SYTL2: variants seen among roughly 807,000 people sequenced by gnomAD.
SYTL2 encodes the protein synaptotagmin like 2, also known as synaptotagmin-like protein 2.
Under a neutral mutation model 198.7 loss-of-function variants are expected in SYTL2, and 165 were observed. The ratio of observed to expected loss-of-function variants is 0.83; its 90% CI spans 0.73 to 0.94. The LOEUF is 0.94. Among genes scored for constraint, SYTL2 ranks in the 40% least tolerant of loss-of-function variants. SYTL2 has a pLI of 0.00. For missense variants in SYTL2, 2,835 were observed against 2,582.8 expected, an observed-to-expected ratio of 1.10 and a Z score of -2.12; for synonymous variants, 966 against 917.7, an observed-to-expected ratio of 1.05 and a Z score of -0.95.
At position 85,709,491 on chromosome 11, in the gene SYTL2, T is replaced by G; in HGVS notation, c.5755A>C (p.Ser1919Arg). The change falls in exon 14 of 20, where the codon AGT becomes CGT. Residue 1919 changes from serine to arginine, a missense_variant. Ser to Arg is a moderately radical substitution (Grantham distance 110). Around this residue, in one of 3 missense-constraint regions of SYTL2, gnomAD observed 2,645 missense variants for 2,381.7 expected, o/e 1.11. Transcript: ENST00000359152. ...TCTCCACTATAAACACTCATCACAC[T>G]GCCACTCACCTGAAAGCATCAGAAA... Reference protein sequence around the residue: ...GMTSLSSVSGSVMSVYSGDFG... With the variant: ...GMTSLSSVSGRVMSVYSGDFG... 6.2e-7 allele frequency: 1 copy of G among 1,613,778 alleles called. No homozygotes were observed. The highest frequency in any genetic ancestry group is 8.5e-7 in the Non-Finnish European group (1 of 1,179,952).
At chr11:85,833,409 TC>T in the SYTL2 span, among the ~76,000 whole-genome samples, 2 of 148,072 alleles carry the variant, frequency 1.4e-5, no homozygotes, top group Admixed American at 1.4e-4. Flanking sequence ...TACCTATATA[TC>T]ATATATATGT....
the SYTL2 span, among the ~76,000 whole-genome samples, chr11:85,834,566 C>T: frequency 2.0e-5 from 3 of 152,012 alleles, no homozygotes. Flanking sequence ...GAAAGCAATA[C>T]ACCTTCGGTA....
At chr11:85,795,316 T>A (rs375195864) in intron 1 of SYTL2, among the ~76,000 whole-genome samples, 2 of 150,522 alleles carry the variant, frequency 1.3e-5, no homozygotes, top group East Asian at 1.9e-4. Context: ...AGGCTCACCA[T>A]CAGATCTAAA....
intron 7 of SYTL2, among the ~76,000 whole-genome samples, chr11:85,730,902 G>A (rs149018758): frequency 0.021 from 3,184 of 152,232 alleles, 64 homozygotes; most frequent in Admixed American, 0.038. Context: ...AAAGTCTCAG[G>A]ATACAAAATC....
In SYTL2 at chr11:85,700,530, G is replaced by A; in HGVS notation, c.6253C>T (p.Pro2085Ser). 6.2e-7 allele frequency: 1 copy of A among 1,613,384 alleles called. No homozygotes were observed. Among genetic ancestry groups the A allele is most frequent in the Non-Finnish European group, 8.5e-7 (1 of 1,179,386 alleles). The stretch of plus-strand genomic sequence containing the variant: ...CATTACATACCAGGGACTGGCTCTG[G>A]GACATACTGGAGAGCTAGTTTCATT... ...GEMKLALQYV[P>S]EPVPGKKLPT... Residue 2085 changes from proline (P) to serine (S), a missense_variant, in exon 17 of 20, where the codon CCA (proline) becomes TCA (serine). Pro to Ser is a moderately conservative substitution (Grantham distance 74). Around this residue, in one of 3 missense-constraint regions of SYTL2, gnomAD observed 5 missense variants for 19.1 expected, o/e 0.26. Transcript: ENST00000359152.
chr11:85,849,298 G>A, the SYTL2 span, among the ~76,000 whole-genome samples: 2 of 151,850 alleles, frequency 1.3e-5, no homozygotes, highest in Non-Finnish European at 2.9e-5. Context: ...AGTTTAATTA[G>A]ATCCCATTTG....
At chr11:85,804,431 G>A (rs2092931045) in intron 1 of SYTL2, among the ~76,000 whole-genome samples, 2 of 152,114 alleles carry the variant, frequency 1.3e-5, no homozygotes, top group South Asian at 2.1e-4. Flanking sequence ...CAAACTGCCT[G>A]GATTCAAATC....
chr11:85,813,973 G>T (rs1000514354), upstream of SYTL2, among the ~76,000 whole-genome samples: 1 of 152,182 alleles, frequency 6.6e-6, no homozygotes, highest in African/African-American at 2.4e-5. Context: ...ATCTCTAAGT[G>T]TTGGGATTAC....
chr11:85,757,607 G>T lies in SYTL2; in HGVS notation c.101+18C>A. ...GCCTCTTCCTTCCCTCATGCCCAAG[G>T]CTTCTCTGGCCTCTTACCTGACTCT... On this transcript the variant is annotated intron_variant, in intron 2 of 19. Coordinates refer to ENST00000359152, the MANE Select transcript of SYTL2 (RefSeq NM_206927.4). The T allele has an allele frequency of 1.2e-6, 2 of 1,612,066 alleles. No individual in the cohort carries two copies.
At chr11:85,832,406 T>C in the SYTL2 span, among the ~76,000 whole-genome samples, 1 of 152,224 alleles carries the variant, frequency 6.6e-6, no homozygotes, top group African/African-American at 2.4e-5. Flanking sequence ...TTCATTTTTG[T>C]ATTCATTCAA....
At chr11:85,785,392 T>C (rs1359808026) in intron 1 of SYTL2, among the ~76,000 whole-genome samples, 2 of 152,190 alleles carry the variant, frequency 1.3e-5, no homozygotes, top group Non-Finnish European at 2.9e-5. Context: ...GAAGGAAAAG[T>C]GGGATTTTGC....
intron 17 of SYTL2, among the ~76,000 whole-genome samples, chr11:85,699,266 G>A (rs2083885798): frequency 1.3e-5 from 2 of 152,050 alleles, no homozygotes; most frequent in African/African-American, 4.8e-5. Flanking sequence ...GAGGAGATGG[G>A]GCTTCATCTA....
chr11:85,744,142 C>T (rs1436245975), intron 4 of SYTL2, among the ~76,000 whole-genome samples: 1 of 152,124 alleles, frequency 6.6e-6, no homozygotes, highest in East Asian at 1.9e-4. Context: ...CCTTCACACT[C>T]CTTCCTGGTG....
At chr11:85,752,977 G>T (rs1049203596) in intron 2 of SYTL2, among the ~76,000 whole-genome samples, 2 of 128,732 alleles carry the variant, frequency 1.6e-5, no homozygotes, top group African/African-American at 5.9e-5. Flanking sequence ...GGAGGCAGCT[G>T]AGAATCATAA....
At chr11:85,747,172 T>A (rs2091209048) in intron 3 of SYTL2, among the ~76,000 whole-genome samples, 1 of 152,126 alleles carries the variant, frequency 6.6e-6, no homozygotes, top group Non-Finnish European at 1.5e-5. Context: ...AAGATTGCCT[T>A]TGCCAGGCAT....
chr11:85,779,816 C>A (rs903490475), intron 1 of SYTL2, among the ~76,000 whole-genome samples: 3 of 152,112 alleles, frequency 2.0e-5, no homozygotes, highest in Admixed American at 1.3e-4. Flanking sequence ...TGTGAGAAGA[C>A]TTGTTAGGTA....
chr11:85,853,426 G>A, the SYTL2 span: 3,820 of 398,494 alleles, frequency 9.6e-3, 30 homozygotes, highest in African/African-American at 0.028. Flanking sequence ...TAAGGGCGGT[G>A]CAAGATGGGC....
chr11:85,792,229 G>C (rs2092741194), intron 1 of SYTL2, among the ~76,000 whole-genome samples: 1 of 152,008 alleles, frequency 6.6e-6, no homozygotes. Context: ...CTAGTGGGTG[G>C]TGATCTTCAA....
chr11:85,727,028 C>T lies in SYTL2; in HGVS notation c.2330G>A (p.Gly777Asp), dbSNP rs1160861715. The part of the protein sequence containing the change: ...KPEVQFQQEA[G>D]EVPKNQVQRE... ...CTGCACTTGGTTCTTGGGAACCTCACCAGCTTCTTGCTGGAATTGGACCTC... is the reference window on the plus strand; with the variant it reads ...CTGCACTTGGTTCTTGGGAACCTCATCAGCTTCTTGCTGGAATTGGACCTC... The change falls in exon 8 of 20, where the codon GGT becomes GAT. Residue 777 changes from glycine to aspartate, a missense_variant. Gly to Asp is a moderately conservative substitution (Grantham distance 94). Transcript: ENST00000359152. The T allele has an allele frequency of 7.8e-6, 12 of 1,536,448 alleles. No homozygotes were observed. The highest frequency in any genetic ancestry group is 9.6e-6 in the Non-Finnish European group (11 of 1,146,950).
Sources: gnomAD v4.1 joint callset for allele counts (sites outside exome capture counted in the v4.1 genomes callset) on GRCh38, gnomAD v4.1.1 for gene constraint, gnomAD v4.1.1 regional missense constraint, MANE v1.5 for transcripts, NCBI Gene and HGNC (gene_info 2026-07-23, HGNC 2026-07-21) for gene names.